AKNA: variants seen among roughly 807,000 people sequenced by gnomAD.
AKNA encodes microtubule organization protein AKNA.
AKNA carries 67 observed loss-of-function variants against 138.8 expected under a neutral mutation model. The ratio of observed to expected loss-of-function variants is 0.48; its 90% CI spans 0.40 to 0.59. AKNA has a LOEUF of 0.59. Among genes scored for constraint, AKNA ranks in the 20% least tolerant of loss-of-function variants. The pLI is 0.00. For synonymous variants in AKNA, 737 were observed against 754.4 expected (o/e 0.98, Z 0.38); for missense variants, 1,813 against 1,880.4 (o/e 0.96, Z 0.66).
In AKNA at chr9:114,355,909, A is replaced by G. The variant is rs1831464600; in HGVS notation, c.3058+16T>C. The G allele has an allele frequency of 2.5e-6, 4 of 1,613,376 alleles. No individual in the cohort carries two copies. The highest frequency in any genetic ancestry group is 3.4e-6 in the Non-Finnish European group (4 of 1,179,636). On this transcript the variant is annotated intron_variant, in intron 14 of 21. Coordinates refer to ENST00000374088, the MANE Select transcript of AKNA (RefSeq NM_001317950.2). ...CAACCCATGCAGTTCTGTCCAAGTC[A>G]GACTCCTGCACTCACCCATCTCGGC...
In AKNA at chr9:114,354,097, C is replaced by T. The variant is rs192979971; in HGVS notation, c.3058+1828G>A. ...TTTTAAATGGTTTTTAACCTTTTGA[C>T]TCTTTTGTAATAACATTTAACTTAA... On this transcript the variant is annotated intron_variant, in intron 14 of 21. Transcript: ENST00000374088. Among the ~76,000 whole-genome samples, 46 of 152,228 alleles carry T rather than the reference C, an allele frequency of 3.0e-4. No homozygotes were observed. In the East Asian group the frequency reaches 7.3e-3, roughly 24 times the overall value.
chr9:114,330,862 G>C (rs141478321), downstream of AKNA: 1 of 1,613,400 alleles, frequency 6.2e-7, no homozygotes, highest in South Asian at 1.1e-5. Context: ...CTCCAGATAC[G>C]GTGAGGGCCA....
At position 114,341,907 on chromosome 9, in the gene AKNA, A is replaced by G. The variant is rs1199860957; in HGVS notation, c.3874+102T>C. ...CTCTGCCCCAGTTGCTCTGTCCCAG[A>G]CTGGAACAACAGCTGCTCCAGTTAA... On this transcript the variant is annotated intron_variant, in intron 20 of 21. Transcript: ENST00000374088. 89 of 1,349,946 alleles carry G rather than the reference A, an allele frequency of 6.6e-5. No homozygotes were observed. In the African/African-American group the frequency reaches 1.2e-3, roughly 18 times the overall value. 83.6% of individuals were successfully genotyped at this position (1,349,946 alleles called of 1,614,324 possible). A position where few individuals can be genotyped will look rare whatever the true frequency, so the allele number is the denominator to read the frequency against.
intron 21 of AKNA, among the ~76,000 whole-genome samples, chr9:114,338,446 T>C (rs1224573576): frequency 1.3e-5 from 2 of 152,268 alleles, no homozygotes; most frequent in African/African-American, 4.8e-5. Context: ...GTGGAGCCAC[T>C]GTGGAAAACA....
intron 14 of AKNA, among the ~76,000 whole-genome samples, chr9:114,353,755 G>T (rs1317891287): frequency 6.6e-6 from 1 of 152,134 alleles, no homozygotes; most frequent in Non-Finnish European, 1.5e-5. Context: ...AATACTGTAG[G>T]TATCTGTAAC....
chr9:114,390,309 C>T (rs1231785888), upstream of AKNA, among the ~76,000 whole-genome samples: 1 of 152,118 alleles, frequency 6.6e-6, no homozygotes, highest in East Asian at 1.9e-4. Flanking sequence ...TCTACCAAAC[C>T]GAAGCAGCAT....
chr9:114,369,722 C>T (rs924621582), intron 4 of AKNA, among the ~76,000 whole-genome samples: 1 of 152,058 alleles, frequency 6.6e-6, no homozygotes, highest in African/African-American at 2.4e-5. Flanking sequence ...ATCACCACCA[C>T]TGTCATTACC....
At chr9:114,346,625 A>G in intron 17 of AKNA, 44 bp downstream of exon 17, 1 of 1,500,944 alleles carries the variant, frequency 6.7e-7, no homozygotes, top group Non-Finnish European at 9.1e-7. Flanking sequence ...CAACATGCTC[A>G]GACTGTGGCC....
chr9:114,354,440 G>A (rs1274347753), intron 14 of AKNA, among the ~76,000 whole-genome samples: 1 of 152,124 alleles, frequency 6.6e-6, no homozygotes, highest in Non-Finnish European at 1.5e-5. Flanking sequence ...TAGGCTGGGC[G>A]CGGTGGCTCA....
chr9:114,359,479 G>A, intron 11 of AKNA, 115 bp downstream of exon 11: 1 of 1,574,918 alleles, frequency 6.3e-7, no homozygotes, highest in Non-Finnish European at 8.6e-7. Flanking sequence ...TGAAGAGGCA[G>A]GACAGGTAAG....
downstream of AKNA, among the ~76,000 whole-genome samples, chr9:114,331,330 G>C (rs1160718700): frequency 6.6e-6 from 1 of 152,050 alleles, no homozygotes; most frequent in Non-Finnish European, 1.5e-5. Flanking sequence ...TCTGTAAAAC[G>C]GGGAGAAAGG....
intron 7 of AKNA, 124 bp downstream of exon 7, chr9:114,364,436 T>TA: frequency 1.0e-6 from 1 of 992,284 alleles, no homozygotes; most frequent in Non-Finnish European, 1.6e-6. Context: ...CTGTTTGCTC[T>TA]AAAAGAGACC....
At chr9:114,354,900 G>C (rs1377277085) in intron 14 of AKNA, among the ~76,000 whole-genome samples, 1 of 129,364 alleles carries the variant, frequency 7.7e-6, no homozygotes, top group Non-Finnish European at 1.6e-5. Flanking sequence ...ACAGAGTCTT[G>C]CTCTGTCACC....
At position 114,358,156 on chromosome 9, in the gene AKNA, T is replaced by TC. The variant is rs775843122; in HGVS notation, c.2503dup (p.Glu835GlyfsTer17). On this transcript the variant is annotated frameshift_variant, in exon 12 of 22. Coordinates refer to ENST00000374088, the MANE Select transcript of AKNA (RefSeq NM_001317950.2). LOFTEE classifies it high-confidence loss of function. ...TGGTGGCTTCATAGATACCATCTTCTCCGTGGCCTCCCTGGCATGGGAAGA... is the reference window on the plus strand; with the variant it reads ...TGGTGGCTTCATAGATACCATCTTCTCCCGTGGCCTCCCTGGCATGGGAAGA... The TC allele has an allele frequency of 1.2e-6, 2 of 1,614,060 alleles. No individual in the cohort carries two copies. Among genetic ancestry groups the TC allele is most frequent in the Admixed American group, 3.3e-5 (2 of 60,020 alleles).
At chr9:114,358,313 G>T in intron 11 of AKNA, 146 bp from the exon 12 acceptor site, 1 of 1,133,296 alleles carries the variant, frequency 8.8e-7, no homozygotes, top group Non-Finnish European at 1.2e-6. Context: ...CCACCTTCTA[G>T]CTGTGTGACC....
chr9:114,383,263 C>T, intron 1 of AKNA: 1 of 454,124 alleles, frequency 2.2e-6, no homozygotes, highest in South Asian at 1.6e-5. Context: ...GCTGCCTTCC[C>T]TCAACCCTCT....
At chr9:114,356,759 T>G in intron 13 of AKNA, 104 bp downstream of exon 13, 1 of 1,018,304 alleles carries the variant, frequency 9.8e-7, no homozygotes, top group East Asian at 2.8e-5. Context: ...GGCCTACGAA[T>G]GGACAGACCA....
chr9:114,366,967 C>T (rs1832409078), intron 6 of AKNA, among the ~76,000 whole-genome samples: 1 of 152,104 alleles, frequency 6.6e-6, no homozygotes, highest in Non-Finnish European at 1.5e-5. Context: ...CCTCTCTGCC[C>T]CAGTTTTCTC....
At chr9:114,375,713 C>A (rs916256624) in intron 3 of AKNA, among the ~76,000 whole-genome samples, 2 of 151,802 alleles carry the variant, frequency 1.3e-5, no homozygotes, top group African/African-American at 4.8e-5. Context: ...GAAAGGTTTT[C>A]GGGGCTGCTA....
Sources: gnomAD v4.1 joint callset for allele counts (sites outside exome capture counted in the v4.1 genomes callset) on GRCh38, gnomAD v4.1.1 for gene constraint, MANE v1.5 for transcripts, NCBI Gene and HGNC (gene_info 2026-07-23, HGNC 2026-07-21) for gene names.